The following NRG1 variants were observed in gnomAD, a reference collection of about 807,000 sequenced individuals.
The protein encoded by NRG1 is neuregulin 1.
A neutral mutation model predicts 63.8 loss-of-function variants in NRG1; 18 were observed. That is an observed-to-expected ratio of 0.28 (90% CI 0.19 to 0.42). NRG1 has a LOEUF of 0.42. Ranked by LOEUF, NRG1 falls within the 10% of genes least tolerant of loss-of-function variation. NRG1 has a pLI of 1.00. For synonymous variants in NRG1, 302 were observed against 301.3 expected (o/e 1.00, Z -0.02); for missense variants, 762 against 814.7 (o/e 0.94, Z 0.79).
At chr8:32,228,676 C>T (rs1846588908) in intron 1 of NRG1, among the ~76,000 whole-genome samples, 1 of 152,068 alleles carries the variant, frequency 6.6e-6, no homozygotes, top group African/African-American at 2.4e-5. Context: ...GTATAGAAAG[C>T]AAGAGTATTA....
chr8:32,699,815 C>T (rs1322794399), intron 5 of NRG1, among the ~76,000 whole-genome samples: 3 of 151,906 alleles, frequency 2.0e-5, no homozygotes, highest in Non-Finnish European at 1.5e-5. Context: ...TGTAGAGGTC[C>T]GGCTGTGAAT....
intron 1 of NRG1, among the ~76,000 whole-genome samples, chr8:31,723,659 T>A: frequency 6.6e-6 from 1 of 152,110 alleles, no homozygotes; most frequent in East Asian, 1.9e-4. Context: ...CTGCTTATCA[T>A]GCATGAAATG....
intron 1 of NRG1, among the ~76,000 whole-genome samples, chr8:31,858,324 C>G (rs1388298746): frequency 6.6e-6 from 1 of 151,346 alleles, no homozygotes; most frequent in East Asian, 1.9e-4. Flanking sequence ...AGTGAAGTTG[C>G]CGAAGAACTC....
At chr8:32,668,885 T>C (rs1423024864) in intron 5 of NRG1, among the ~76,000 whole-genome samples, 1 of 152,240 alleles carries the variant, frequency 6.6e-6, no homozygotes, top group Non-Finnish European at 1.5e-5. Context: ...AAAAATCTTT[T>C]CTTTTACTCT....
chr8:32,311,806 C>T (rs377751177), intron 1 of NRG1, among the ~76,000 whole-genome samples: 33 of 152,298 alleles, frequency 2.2e-4, no homozygotes, highest in African/African-American at 7.7e-4. Context: ...AGGAAAATTG[C>T]CTTTTCCAAG....
At chr8:31,645,854 G>A (rs1374117473) in intron 1 of NRG1, among the ~76,000 whole-genome samples, 1 of 152,196 alleles carries the variant, frequency 6.6e-6, no homozygotes, top group African/African-American at 2.4e-5. Context: ...GTAAGAGACT[G>A]TCCTACTACT....
At chr8:32,544,382 A>G (rs1032854738), upstream of NRG1, among the ~76,000 whole-genome samples, 4 of 152,000 alleles carry the variant, frequency 2.6e-5, no homozygotes, top group Non-Finnish European at 5.9e-5. Context: ...TTGTATTGTC[A>G]TATTTAATTT....
intron 1 of NRG1, among the ~76,000 whole-genome samples, chr8:32,182,208 A>C (rs1182609224): frequency 6.6e-6 from 1 of 152,150 alleles, no homozygotes; most frequent in African/African-American, 2.4e-5. Context: ...AGGAAAAAAC[A>C]CAGAGAGGAG....
In NRG1 at chr8:32,657,104, T is replaced by C. The variant is rs901099987; in HGVS notation, c.502+40219T>C. ...GTTATTAATTTAAAATTAAACCAAA[T>C]GTACATATATGCATATGCATTTGGA... On this transcript the variant is annotated intron_variant, in intron 5 of 11. Transcript: ENST00000356819. Among the ~76,000 whole-genome samples the C allele has an allele frequency of 2.6e-5, 4 of 151,996 alleles. No homozygotes were observed. In the South Asian group the frequency reaches 6.2e-4, roughly 24 times the overall value.
chr8:32,157,268 G>A (rs1026748128), intron 1 of NRG1, among the ~76,000 whole-genome samples: 22 of 150,666 alleles, frequency 1.5e-4, no homozygotes, highest in African/African-American at 4.9e-4. Context: ...GGGAGGCTGA[G>A]GCATGAGAAT....
chr8:32,764,059 C>T lies in NRG1; in HGVS notation c.1571C>T (p.Thr524Met), dbSNP rs1320798326. 2.2e-5 allele frequency: 35 copies of T among 1,614,046 alleles called. 1 individual carries two copies. Among genetic ancestry groups the T allele is most frequent in the Non-Finnish European group, 2.8e-5 (33 of 1,180,010 alleles). Residue 524 changes from threonine (T) to methionine (M), a missense_variant, in exon 12 of 12, where the codon ACG (threonine) becomes ATG (methionine). This residue lies in a region of NRG1 where 503 missense variants were observed against 506.8 expected (regional missense o/e 0.99). Transcript: ENST00000356819. ...ATAGTGGAGGATGAGGAGTATGAAA[C>T]GACCCAAGAGTACGAGCCAGCCCAA... is the stretch of plus-strand genomic sequence containing the variant.
intron 5 of NRG1, among the ~76,000 whole-genome samples, chr8:32,670,711 G>A (rs543079679): frequency 2.0e-5 from 3 of 152,154 alleles, no homozygotes; most frequent in Non-Finnish European, 4.4e-5. Flanking sequence ...TACACAGAGG[G>A]TGCTCAGACA....
chr8:31,704,528 T>A (rs1810932698), intron 1 of NRG1, among the ~76,000 whole-genome samples: 1 of 151,882 alleles, frequency 6.6e-6, no homozygotes, highest in Non-Finnish European at 1.5e-5. Flanking sequence ...TTTTGGGGGG[T>A]TAGAAAAATT....
chr8:31,919,314 G>A (rs1395676083), intron 1 of NRG1, among the ~76,000 whole-genome samples: 2 of 150,488 alleles, frequency 1.3e-5, no homozygotes, highest in Non-Finnish European at 3.0e-5. Context: ...TTTGGTTACA[G>A]TTTCTTTGAA....
chr8:32,086,535 T>C (rs2131214341), intron 1 of NRG1, among the ~76,000 whole-genome samples: 1 of 152,356 alleles, frequency 6.6e-6, no homozygotes, highest in East Asian at 1.9e-4. Context: ...CAATATAAAC[T>C]TGTATGAGTA....
At chr8:32,216,598 A>G (rs35314777) in intron 1 of NRG1, among the ~76,000 whole-genome samples, 13,719 of 149,808 alleles carry the variant, frequency 0.092, 1,421 homozygotes, top group African/African-American at 0.25. Context: ...ACTTTAGGTT[A>G]TCATTTGTCT....
At chr8:32,550,122 A>G (rs546253735) in intron 1 of NRG1, among the ~76,000 whole-genome samples, 1 of 152,278 alleles carries the variant, frequency 6.6e-6, no homozygotes, top group African/African-American at 2.4e-5. Flanking sequence ...TTTGAGCAAA[A>G]CAGAAATTGA....
chr8:32,508,925 G>T (rs1324922271), intron 1 of NRG1, among the ~76,000 whole-genome samples: 1 of 151,638 alleles, frequency 6.6e-6, no homozygotes, highest in Non-Finnish European at 1.5e-5. Context: ...AGTAGAGATG[G>T]AGTCTCACCA....
intron 1 of NRG1, among the ~76,000 whole-genome samples, chr8:32,073,237 C>T (rs1053141345): frequency 2.0e-5 from 3 of 152,152 alleles, no homozygotes; most frequent in Non-Finnish European, 2.9e-5. Flanking sequence ...CAGAAGATAG[C>T]TAATGCAACG....
Sources: gnomAD v4.1 joint callset for allele counts (sites outside exome capture counted in the v4.1 genomes callset) on GRCh38, gnomAD v4.1.1 for gene constraint, gnomAD v4.1.1 regional missense constraint, MANE v1.5 for transcripts, NCBI Gene and HGNC (gene_info 2026-07-23, HGNC 2026-07-21) for gene names.